The following DACH2 variants were observed in gnomAD, a reference collection of about 807,000 sequenced individuals.
DACH2 encodes the protein dachshund family transcription factor 2.
DACH2 carries 17 observed loss-of-function variants against 35.8 expected under a neutral mutation model. The observed-to-expected ratio is 0.48, with a 90% CI of 0.33 to 0.71. The LOEUF is 0.71. Among genes scored for constraint, DACH2 ranks in the 30% least tolerant of loss-of-function variants. The pLI is 0.02. For synonymous variants in DACH2, 195 were observed against 177.3 expected (o/e 1.10, Z -0.79); for missense variants, 469 against 472.7 (o/e 0.99, Z 0.07).
At chrX:86,192,641 C>T (rs146988302) in intron 1 of DACH2, among the ~76,000 whole-genome samples, 22 of 111,809 alleles carry the variant, frequency 2.0e-4, no homozygotes, top group African/African-American at 6.8e-4. Context: ...TCTATGTAAC[C>T]GTCTAAAATA....
chrX:86,504,010 T>C (rs910326152), intron 2 of DACH2, among the ~76,000 whole-genome samples: 2 of 111,952 alleles, frequency 1.8e-5, no homozygotes, highest in Admixed American at 1.9e-4. Context: ...ATCAAAGTGA[T>C]TGTATAGTGC....
intron 1 of DACH2, among the ~76,000 whole-genome samples, chrX:86,296,080 TTA>T (rs1390785080): frequency 9.0e-6 from 1 of 111,020 alleles, no homozygotes; most frequent in Non-Finnish European, 1.9e-5. Flanking sequence ...TTTGTGAAAA[TTA>T]TATATGAAAT....
chrX:86,648,611 A>G (rs2040441485), intron 3 of DACH2, among the ~76,000 whole-genome samples: 1 of 110,821 alleles, frequency 9.0e-6, no homozygotes, highest in Non-Finnish European at 1.9e-5. Flanking sequence ...TGTACTGAAG[A>G]CTAAACAAAT....
At chrX:86,331,820 T>TA (rs1255229098) in intron 1 of DACH2, among the ~76,000 whole-genome samples, 1 of 111,542 alleles carries the variant, frequency 9.0e-6, no homozygotes, top group Non-Finnish European at 1.9e-5. Context: ...GACCCAATTC[T>TA]AGGATGTTAC....
At chrX:86,366,683 T>C (rs762125734) in intron 1 of DACH2, among the ~76,000 whole-genome samples, 173 of 110,824 alleles carry the variant, frequency 1.6e-3, no homozygotes, top group African/African-American at 5.4e-3. Flanking sequence ...GGGGTCCTGG[T>C]GGGAGGTGTT....
At chrX:86,570,789 G>C (rs1052078787) in intron 3 of DACH2, among the ~76,000 whole-genome samples, 2 of 110,558 alleles carry the variant, frequency 1.8e-5, no homozygotes, top group Non-Finnish European at 3.8e-5. Flanking sequence ...TTAAAAATTG[G>C]GTTGTTGGTT....
intron 1 of DACH2, among the ~76,000 whole-genome samples, chrX:86,229,810 T>A (rs913407705): frequency 9.5e-6 from 1 of 105,245 alleles, no homozygotes; most frequent in Non-Finnish European, 1.9e-5. Context: ...TCTGTGTACG[T>A]TAATCTTGTA....
intron 1 of DACH2, among the ~76,000 whole-genome samples, chrX:86,246,655 G>A (rs748646999): frequency 8.9e-6 from 1 of 112,047 alleles, no homozygotes; most frequent in Non-Finnish European, 1.9e-5. Flanking sequence ...TCTTACCAGA[G>A]GTCCTTAAGT....
chrX:86,280,514 G>T (rs920491284), intron 1 of DACH2, among the ~76,000 whole-genome samples: 6 of 112,043 alleles, frequency 5.4e-5, no homozygotes, highest in African/African-American at 1.9e-4. Flanking sequence ...AAATGGGAAA[G>T]ACCATCGACA....
Position 86,721,469 on chromosome X carries a change from T to G in DACH2, c.1104+6749T>G, listed in dbSNP as rs191191300. On this transcript the variant is annotated intron_variant, in intron 6 of 11. Coordinates refer to ENST00000373125, the MANE Select transcript of DACH2 (RefSeq NM_053281.3). The stretch of plus-strand genomic sequence containing the variant: ...CTTTATTCACGTTCCCAACAAGTTT[T>G]TTATCTCCATCTAAGACCACCTCAG... Among the ~76,000 whole-genome samples the G allele has an allele frequency of 4.9e-3, 551 of 111,811 alleles. 6 individuals are homozygous for G. The highest frequency in any genetic ancestry group is 0.017 in the African/African-American group (522 of 30,768).
chrX:86,237,761 C>A (rs1250224286), intron 1 of DACH2, among the ~76,000 whole-genome samples: 5 of 111,702 alleles, frequency 4.5e-5, no homozygotes, highest in Non-Finnish European at 9.4e-5. Flanking sequence ...GTGGGTAGCT[C>A]CAGGCACTGG....
chrX:86,155,158 G>A (rs2030500115), intron 1 of DACH2, among the ~76,000 whole-genome samples: 1 of 110,673 alleles, frequency 9.0e-6, no homozygotes, highest in Admixed American at 9.7e-5. Flanking sequence ...GATTACAGAA[G>A]GGTGTTAGTT....
intron 4 of DACH2, 110 bp from the exon 5 acceptor site, chrX:86,694,911 A>G (rs1257454920): frequency 1.5e-5 from 8 of 548,007 alleles, no homozygotes; most frequent in Non-Finnish European, 2.1e-5. Flanking sequence ...TGTGTTCAAT[A>G]ATAATTTCCT....
intron 11 of DACH2, among the ~76,000 whole-genome samples, chrX:86,819,978 A>T (rs766023350): frequency 3.6e-5 from 4 of 111,600 alleles, no homozygotes; most frequent in East Asian, 5.6e-4. Flanking sequence ...TCCTAAATTT[A>T]AAAAAAATGA....
At chrX:86,445,240 C>T (rs1191572097) in intron 2 of DACH2, among the ~76,000 whole-genome samples, 1 of 106,681 alleles carries the variant, frequency 9.4e-6, no homozygotes, top group Admixed American at 1.0e-4. Context: ...TTTTTATTCT[C>T]AGTAAACTAT....
rs1556024046 is a variant in DACH2, at chrX:86,315,840, C to CACAGAGAGAGAG, written c.489-60983_489-60982insCAGAGAGAGAGA. On this transcript the variant is annotated intron_variant, in intron 1 of 11. Transcript: ENST00000373125. ...ACACACACACACACACACACACACA[C>CACAGAGAGAGAG]AGAGAGAGAGAGGGAGATTGGAGCA... 4.6e-4 allele frequency among the ~76,000 whole-genome samples: 36 copies of CACAGAGAGAGAG among 77,870 alleles called. No individual in the cohort carries two copies. In the South Asian group the frequency reaches 7.6e-3, roughly 16 times the overall value. 67.6% of individuals were successfully genotyped at this position (77,870 alleles called of 115,157 possible).
At position 86,271,122 on chromosome X, in the gene DACH2, A is replaced by C. The variant is rs1044943523; in HGVS notation, c.489-105702A>C. On this transcript the variant is annotated intron_variant, in intron 1 of 11. Transcript: ENST00000373125. ...TGTACAAAAAATTAGAGTACACAGC[A>C]ACCCTATAACAAATAAGTGCCAAAT... Among the ~76,000 whole-genome samples the C allele has an allele frequency of 3.6e-5, 4 of 111,570 alleles. No homozygotes were observed. The East Asian group carries it at 1.1e-3, about 31-fold the overall frequency.
intron 2 of DACH2, among the ~76,000 whole-genome samples, chrX:86,466,853 C>A (rs970111887): frequency 9.0e-6 from 1 of 111,000 alleles, no homozygotes; most frequent in Non-Finnish European, 1.9e-5. Context: ...ACGTTGGCCC[C>A]TTTCAGCCAC....
At chrX:86,416,714 C>T (rs891881449) in intron 2 of DACH2, among the ~76,000 whole-genome samples, 2 of 110,702 alleles carry the variant, frequency 1.8e-5, no homozygotes, top group Non-Finnish European at 3.8e-5. Flanking sequence ...AGCTTTCATT[C>T]GTGGCAGAAG....
Sources: gnomAD v4.1 joint callset for allele counts (sites outside exome capture counted in the v4.1 genomes callset) on GRCh38, gnomAD v4.1.1 for gene constraint, MANE v1.5 for transcripts, NCBI Gene and HGNC (gene_info 2026-07-23, HGNC 2026-07-21) for gene names.